Variants in SLC44A5 observed in about 807,000 individuals in gnomAD.
The protein encoded by SLC44A5 is solute carrier family 44 member 5, also known as choline transporter-like protein 5.
A neutral mutation model predicts 101.8 loss-of-function variants in SLC44A5; 57 were observed. The ratio of observed to expected loss-of-function variants is 0.56; its 90% CI spans 0.45 to 0.70. SLC44A5 has a LOEUF of 0.70. Among genes scored for constraint, SLC44A5 ranks in the 30% least tolerant of loss-of-function variants. The probability of loss-of-function intolerance (pLI) is 0.00; values close to 1 mark genes in which losing one functional copy is unlikely to be tolerated. For missense variants in SLC44A5, 737 were observed against 853.1 expected (o/e 0.86, Z 1.70); for synonymous variants, 281 against 290.9 (o/e 0.97, Z 0.35).
the SLC44A5 span, chr1:75,677,887 G>C: frequency 3.0e-6 from 1 of 330,532 alleles, no homozygotes; most frequent in Non-Finnish European, 5.8e-6. Flanking sequence ...GACAGTGGGC[G>C]CAGGTCAGTG....
the SLC44A5 span, among the ~76,000 whole-genome samples, chr1:75,645,474 GT>G: frequency 6.6e-6 from 1 of 151,728 alleles, no homozygotes; most frequent in East Asian, 2.0e-4. Context: ...TGATGGGGTT[GT>G]TTGTTTTTTT....
chr1:75,539,783 A>T (rs1350030310), intron 2 of SLC44A5, among the ~76,000 whole-genome samples: 1 of 152,210 alleles, frequency 6.6e-6, no homozygotes, highest in Non-Finnish European at 1.5e-5. Flanking sequence ...TAATTAGTGG[A>T]AATGTTTAAA....
At position 75,398,503 on chromosome 1, in the gene SLC44A5, T is replaced by C. The variant is rs559805503; in HGVS notation, c.14-1882A>G. On this transcript the variant is annotated intron_variant, in intron 2 of 23. Transcript: ENST00000370859. ...TGAAGTTAAATCCTCTTAACAACCA[T>C]ACACTGTATCATATACCCCATTTTA... 2.1e-5 allele frequency: 11 copies of C among 529,680 alleles called. No homozygotes were observed. The South Asian group carries it at 4.9e-4, about 24-fold the overall frequency. The allele number at this position is 529,680 out of a possible 1,614,324, so 32.8% of individuals were successfully genotyped here.
At position 75,523,045 on chromosome 1, in the gene SLC44A5, T is replaced by TATGTGCCAGAAACATGCAATAGA. The variant is rs1670223750; in HGVS notation, c.13+18389_13+18390insTCTATTGCATGTTTCTGGCACAT. ...TTAGCACCTACTATGTGCCAGGACC[T>TATGTGCCAGAAACATGCAATAGA]AAGTTGCATGTTTCTATTCATTGAT... On this transcript the variant is annotated intron_variant, in intron 2 of 23. Transcript: ENST00000370859. Among the ~76,000 whole-genome samples the TATGTGCCAGAAACATGCAATAGA allele has an allele frequency of 2.6e-5, 4 of 152,326 alleles. No homozygotes were observed. In the South Asian group the frequency reaches 8.3e-4, roughly 32 times the overall value.
chr1:75,585,565 G>A (rs990903009), intron 1 of SLC44A5, among the ~76,000 whole-genome samples: 1 of 152,180 alleles, frequency 6.6e-6, no homozygotes, highest in Non-Finnish European at 1.5e-5. Context: ...AACTTCATGA[G>A]TATTTGGAAA....
the SLC44A5 span, among the ~76,000 whole-genome samples, chr1:75,637,005 T>G: frequency 6.6e-6 from 1 of 152,052 alleles, no homozygotes; most frequent in Admixed American, 6.6e-5. Context: ...AGACCTGCAC[T>G]GACCAATATG....
rs146303182 is a variant in SLC44A5, at chr1:75,563,568, C to A, written c.-69-22052G>T. On this transcript the variant is annotated intron_variant, in intron 1 of 23. Coordinates refer to ENST00000370859, the MANE Select transcript of SLC44A5 (RefSeq NM_001130058.2). ...ATAATAGTAAAAAAATTCAGAATGA[C>A]TAAATGAATACCTTAAAATAAATTA... Among the ~76,000 whole-genome samples the A allele has an allele frequency of 2.4e-3, 357 of 151,832 alleles. 3 individuals carry two copies. The highest frequency in any genetic ancestry group is 7.8e-3 in the African/African-American group (323 of 41,444).
At chr1:75,667,499 C>T in the SLC44A5 span, among the ~76,000 whole-genome samples, 1 of 152,190 alleles carries the variant, frequency 6.6e-6, no homozygotes, top group African/African-American at 2.4e-5. Context: ...AATGGCCATA[C>T]TGCCCAAAGT....
At chr1:75,719,019 C>T in the SLC44A5 span, among the ~76,000 whole-genome samples, 1 of 152,152 alleles carries the variant, frequency 6.6e-6, no homozygotes, top group East Asian at 1.9e-4. Flanking sequence ...CATTATTTTA[C>T]CAAGGCTTTG....
At chr1:75,390,341 C>T (rs1261091246) in intron 3 of SLC44A5, among the ~76,000 whole-genome samples, 3 of 134,658 alleles carry the variant, frequency 2.2e-5, no homozygotes, top group Non-Finnish European at 4.7e-5. Flanking sequence ...CAAAATCTGG[C>T]AAAGACACAA....
the SLC44A5 span, among the ~76,000 whole-genome samples, chr1:75,692,524 G>C: frequency 6.6e-6 from 1 of 152,148 alleles, no homozygotes; most frequent in Non-Finnish European, 1.5e-5. Context: ...AGAAGTAGAA[G>C]GGTTGACCTT....
chr1:75,356,263 T>C (rs1043721437), intron 3 of SLC44A5, among the ~76,000 whole-genome samples: 5 of 144,946 alleles, frequency 3.4e-5, no homozygotes, highest in East Asian at 2.1e-4. Context: ...CTTGTTAGCA[T>C]AGGAGATGAC....
At chr1:75,513,360 T>C (rs935335639) in intron 2 of SLC44A5, among the ~76,000 whole-genome samples, 1 of 152,224 alleles carries the variant, frequency 6.6e-6, no homozygotes, top group East Asian at 1.9e-4. Flanking sequence ...CTCAAATTCA[T>C]AGTTAGATAT....
At chr1:75,410,225 G>A (rs1343426467) in intron 2 of SLC44A5, among the ~76,000 whole-genome samples, 2 of 152,018 alleles carry the variant, frequency 1.3e-5, no homozygotes, top group Non-Finnish European at 2.9e-5. Flanking sequence ...CAAATTTCTT[G>A]CAGAAATTGT....
At chr1:75,444,754 A>G (rs1665451077) in intron 2 of SLC44A5, among the ~76,000 whole-genome samples, 2 of 152,174 alleles carry the variant, frequency 1.3e-5, no homozygotes, top group South Asian at 4.1e-4. Context: ...TCCATCCTAC[A>G]GTGGAGCAGA....
intron 5 of SLC44A5, among the ~76,000 whole-genome samples, chr1:75,282,467 T>G (rs1298241014): frequency 1.3e-5 from 2 of 152,166 alleles, no homozygotes; most frequent in African/African-American, 4.8e-5. Context: ...TTTAAGGAAC[T>G]GTTGGGAAGG....
the SLC44A5 span, among the ~76,000 whole-genome samples, chr1:75,676,474 T>C: frequency 6.6e-6 from 1 of 152,174 alleles, no homozygotes; most frequent in Non-Finnish European, 1.5e-5. Context: ...ACACTGCATG[T>C]TCCCACTTAT....
At chr1:75,453,885 G>T (rs1359728966) in intron 2 of SLC44A5, among the ~76,000 whole-genome samples, 1 of 152,024 alleles carries the variant, frequency 6.6e-6, no homozygotes, top group African/African-American at 2.4e-5. Context: ...AATATCAAGT[G>T]CTGAAATCGA....
At chr1:75,697,384 G>T in the SLC44A5 span, among the ~76,000 whole-genome samples, 9 of 152,310 alleles carry the variant, frequency 5.9e-5, no homozygotes, top group Non-Finnish European at 1.0e-4. Flanking sequence ...GTAAGGCTCA[G>T]AAGAGTTCAG....
Sources: gnomAD v4.1 joint callset for allele counts (sites outside exome capture counted in the v4.1 genomes callset) on GRCh38, gnomAD v4.1.1 for gene constraint, MANE v1.5 for transcripts, NCBI Gene and HGNC (gene_info 2026-07-23, HGNC 2026-07-21) for gene names.